Variants in FHOD1 observed in about 807,000 individuals in gnomAD.
The protein encoded by FHOD1 is formin homology 2 domain containing 1.
A neutral mutation model predicts 111.6 loss-of-function variants in FHOD1; 89 were observed. The ratio of observed to expected loss-of-function variants is 0.80; its 90% CI spans 0.67 to 0.95. FHOD1 has a LOEUF of 0.95. Ranked by LOEUF, FHOD1 falls within the 40% of genes least tolerant of loss-of-function variation. The pLI, the probability that FHOD1 is intolerant of heterozygous loss-of-function variation, is 0.00. For synonymous variants in FHOD1, 618 were observed against 639.0 expected, an observed-to-expected ratio of 0.97 and a Z score of 0.50; for missense variants, 1,446 against 1,554.2, an observed-to-expected ratio of 0.93 and a Z score of 1.17.
At chr16:67,246,216 G>C (rs2034821785) in intron 1 of FHOD1, among the ~76,000 whole-genome samples, 2 of 152,204 alleles carry the variant, frequency 1.3e-5, no homozygotes, top group African/African-American at 4.8e-5. Context: ...CAAGGGGCAA[G>C]TTTACGCAAC....
rs765913254 is a variant in FHOD1, at chr16:67,232,178, C to T, written c.2063G>A (p.Arg688His). Residue 688 changes from arginine to histidine, a missense_variant, in exon 14 of 22, where the codon CGC (arginine) becomes CAC (histidine). Transcript: ENST00000258201. The part of the protein sequence containing the change: ...VLPSKKAGEG[R>H]RTMTTVLDPK... ...GTCCAGCACTGTGGTCATTGTCCGGCGGCCCTCTCCAGCTTTCTGCATGGT... is the reference window on the plus strand; with the variant it reads ...GTCCAGCACTGTGGTCATTGTCCGGTGGCCCTCTCCAGCTTTCTGCATGGT... 6.5e-5 allele frequency: 105 copies of T among 1,614,020 alleles called. No individual in the cohort carries two copies. In the Admixed American group the frequency reaches 1.4e-3, roughly 22 times the overall value.
Position 67,236,567 on chromosome 16 carries a change from T to G in FHOD1, c.1309A>C (p.Ser437Arg). The change falls in exon 11 of 22, where the codon AGC (serine) becomes CGC (arginine). Residue 437 changes from serine to arginine, a missense_variant. This residue lies in a region of FHOD1 where 1,085 missense variants were observed against 1,108.8 expected (regional missense o/e 0.98). Transcript: ENST00000258201. ...APSADTSSER[S>R]IYKARFLENV... ...TGTCTCCCTACTTACTTGTAGATGC[T>G]CCTCTCGCTGGAGGTGTCAGCTGAG... is the stretch of plus-strand genomic sequence containing the variant. 6.2e-7 allele frequency: 1 copy of G among 1,612,950 alleles called. No individual in the cohort carries two copies. Among genetic ancestry groups the G allele is most frequent in the Non-Finnish European group, 8.5e-7 (1 of 1,179,630 alleles).
rs746174996 is a variant in FHOD1, at chr16:67,237,400, G to A, written c.850-18C>T. On this transcript the variant is annotated intron_variant, in intron 8 of 21. Transcript: ENST00000258201. This position sits in a 1 kb window ranked among gnomAD's most constrained non-coding sequence, Gnocchi z 5.6. ...GCCAGCGTCTGGAGGGCGGGGATAA[G>A]AAGGCAAGGCTGAGGTTGGTGGGGA... is the stretch of plus-strand genomic sequence containing the variant. 6 of 1,613,718 alleles carry A rather than the reference G, an allele frequency of 3.7e-6. No individual in the cohort carries two copies. Among genetic ancestry groups the A allele is most frequent in the Middle Eastern group, 1.6e-4 (1 of 6,062 alleles).
Position 67,230,524 on chromosome 16 carries a change from G to A in FHOD1, c.2859-18C>T, listed in dbSNP as rs780123195. 2.5e-6 allele frequency: 4 copies of A among 1,613,882 alleles called. No individual in the cohort carries two copies. In the Admixed American group the frequency reaches 5.0e-5, roughly 20 times the overall value. On this transcript the variant is annotated intron_variant, in intron 18 of 21. Coordinates refer to ENST00000258201, the MANE Select transcript of FHOD1 (RefSeq NM_013241.3). Reference sequence around the variant, plus strand: ...CATGGAACCTAGGCAGGTCAGAGTAGGGAGGGACAGTAAGTCCTGCTTATT... The same window carrying A: ...CATGGAACCTAGGCAGGTCAGAGTAAGGAGGGACAGTAAGTCCTGCTTATT...
At chr16:67,246,562 C>A (rs1267657075) in intron 1 of FHOD1, among the ~76,000 whole-genome samples, 1 of 151,798 alleles carries the variant, frequency 6.6e-6, no homozygotes, top group Non-Finnish European at 1.5e-5. Context: ...GGCCGATGGG[C>A]GGCGAGTGTC....
At position 67,239,780 on chromosome 16, in the gene FHOD1, C is replaced by G. The variant is rs1259253412; in HGVS notation, c.202-326G>C. On this transcript the variant is annotated intron_variant, in intron 1 of 21. Coordinates refer to ENST00000258201, the MANE Select transcript of FHOD1 (RefSeq NM_013241.3). ...TCCACACAGCATTCTAATATCCGAG[C>G]CACTGGTCTCCTCTAGCTGCGTTCT... Among the ~76,000 whole-genome samples, 3 of 152,222 alleles carry G rather than the reference C, an allele frequency of 2.0e-5. No homozygotes were observed. The South Asian group carries it at 6.2e-4, about 32-fold the overall frequency.
At position 67,230,660 on chromosome 16, in the gene FHOD1, C is replaced by T; in HGVS notation, c.2799G>A (p.Leu933=). 6.2e-7 allele frequency: 1 copy of T among 1,614,070 alleles called. No homozygotes were observed. Among genetic ancestry groups the T allele is most frequent in the South Asian group, 1.1e-5 (1 of 91,090 alleles). The stretch of plus-strand genomic sequence containing the variant: ...TGGCAACACGGCGGGCACACTGGTC[C>T]AGGAAGTGGGTGAGGCGGGCACGCA... ...PALRARLTHF[L]DQCARRVAML... is the part of the protein sequence containing the mutation. Residue 933 remains leucine, a synonymous_variant, in exon 18 of 22, where the codon CTG becomes CTA. Coordinates refer to ENST00000258201, the MANE Select transcript of FHOD1 (RefSeq NM_013241.3).
At chr16:67,242,769 C>A (rs2034702205) in intron 1 of FHOD1, among the ~76,000 whole-genome samples, 1 of 152,186 alleles carries the variant, frequency 6.6e-6, no homozygotes, top group Non-Finnish European at 1.5e-5. Context: ...ATACTCTTGA[C>A]TTTCCAGGCT....
rs1243474638 is a variant in FHOD1, at chr16:67,234,436, T to C, written c.1356A>G (p.Thr452=). The part of the protein sequence containing the change: ...RFLENVAAAE[T]EKQVALAQGR... Reference sequence around the variant, plus strand: ...CCTGGGCCAGCGCAACCTGCTTCTCTGTTTCTGCTGCCGCCACATTCTCCA... The same window carrying C: ...CCTGGGCCAGCGCAACCTGCTTCTCCGTTTCTGCTGCCGCCACATTCTCCA... The change falls in exon 12 of 22, where the codon ACA becomes ACG. Residue 452 remains threonine (T), a synonymous_variant. Coordinates refer to ENST00000258201, the MANE Select transcript of FHOD1 (RefSeq NM_013241.3). 5 of 1,606,424 alleles carry C rather than the reference T, an allele frequency of 3.1e-6. No homozygotes were observed. The highest frequency in any genetic ancestry group is 2.5e-6 in the Non-Finnish European group (3 of 1,178,268).
At position 67,237,239 on chromosome 16, in the gene FHOD1, C is replaced by T; in HGVS notation, c.993G>A (p.Glu331=). 1.9e-6 allele frequency: 3 copies of T among 1,613,040 alleles called. No individual in the cohort carries two copies. Among genetic ancestry groups the T allele is most frequent in the Non-Finnish European group, 2.5e-6 (3 of 1,179,372 alleles). The change falls in exon 9 of 22, where the codon GAG becomes GAA. Residue 331 remains glutamate, a splice_region_variant and synonymous_variant. Coordinates refer to ENST00000258201, the MANE Select transcript of FHOD1 (RefSeq NM_013241.3). This position sits in a 1 kb window ranked among gnomAD's most constrained non-coding sequence, Gnocchi z 5.6. ...CCTCAGAGCGTAAGGCCCGGCCCAC[C>T]TCGTAGAGCACAAGCTGCGTGCGCA... The part of the protein sequence containing the change: ...VDLRTQLVLY[E]NALKLEDGDI...
At position 67,229,558 on chromosome 16, in the gene FHOD1, C is replaced by T; in HGVS notation, c.*78G>A. On this transcript the variant is annotated 3_prime_UTR_variant, in exon 22 of 22. Coordinates refer to ENST00000258201, the MANE Select transcript of FHOD1 (RefSeq NM_013241.3). ...GGCACAGAGTTCTGGGGCCAGAATTCTGCTCTGGGCCCTCCTCACTCTGTC... is the reference window on the plus strand; with the variant it reads ...GGCACAGAGTTCTGGGGCCAGAATTTTGCTCTGGGCCCTCCTCACTCTGTC... The T allele has an allele frequency of 7.5e-7, 1 of 1,339,688 alleles. No homozygotes were observed. The allele number at this position is 1,339,688 out of a possible 1,614,324, so 83.0% of individuals were successfully genotyped here.
chr16:67,245,737 T>G (rs2034794846), intron 1 of FHOD1, among the ~76,000 whole-genome samples: 1 of 149,358 alleles, frequency 6.7e-6, no homozygotes, highest in Non-Finnish European at 1.5e-5. Flanking sequence ...AGAGCCAGAA[T>G]CCGTCTTAAA....
Position 67,230,301 on chromosome 16 carries a change from G to A in FHOD1, c.3051+13C>T. The A allele has an allele frequency of 6.2e-7, 1 of 1,614,052 alleles. No homozygotes were observed. Among genetic ancestry groups the A allele is most frequent in the Non-Finnish European group, 8.5e-7 (1 of 1,179,892 alleles). On this transcript the variant is annotated intron_variant, in intron 19 of 21. Transcript: ENST00000258201. ...AGGTGGCAGTCAAGACTAAGACCTGGAAGGGCACCCACCTCGGTGATCATG... is the reference window on the plus strand; with the variant it reads ...AGGTGGCAGTCAAGACTAAGACCTGAAAGGGCACCCACCTCGGTGATCATG...
Position 67,229,847 on chromosome 16 carries a change from G to T in FHOD1, c.3358C>A (p.Pro1120Thr), listed in dbSNP as rs1391333943. The change falls in exon 21 of 22, where the codon CCT (proline) becomes ACT (threonine). Residue 1120 changes from proline to threonine, a missense_variant. Pro to Thr is a conservative substitution (Grantham distance 38). Around this residue, in one of 3 missense-constraint regions of FHOD1, gnomAD observed 1,085 missense variants for 1,108.8 expected, o/e 0.98. Transcript: ENST00000258201. ...LLVQSVTKSS[P>T]RALAARERKR... ...CGTTCCCTAGCAGCTAAGGCACGAG[G>T]ACTGCTCTTGGTCACTGACTGCACC... 2 of 1,614,226 alleles carry T rather than the reference G, an allele frequency of 1.2e-6. No individual in the cohort carries two copies. The highest frequency in any genetic ancestry group is 1.7e-6 in the Non-Finnish European group (2 of 1,180,038).
chr16:67,235,161 T>C (rs1218274508), intron 11 of FHOD1, among the ~76,000 whole-genome samples: 6 of 152,198 alleles, frequency 3.9e-5, no homozygotes, highest in Non-Finnish European at 1.5e-5. Flanking sequence ...AGGGGATAGC[T>C]GTCCCAATGG....
In FHOD1 at chr16:67,243,586, C is replaced by T. The variant is rs554307750; in HGVS notation, c.201+3624G>A. ...GGGAAACCAAGAATCAGAAAATCAG[C>T]GCATTGCCCCAGGGTGCACAGCCAG... On this transcript the variant is annotated intron_variant, in intron 1 of 21. Transcript: ENST00000258201. Among the ~76,000 whole-genome samples the T allele has an allele frequency of 3.9e-5, 6 of 152,194 alleles. No individual in the cohort carries two copies. In the East Asian group the frequency reaches 9.6e-4, roughly 24 times the overall value.
chr16:67,233,568 A>G (rs1703454517), intron 13 of FHOD1, 89 bp downstream of exon 13: 6 of 1,463,904 alleles, frequency 4.1e-6, no homozygotes, highest in Non-Finnish European at 4.5e-6. Flanking sequence ...CCATGTGGGA[A>G]GTGAGTGACT....
chr16:67,233,169 C>G (rs932148382), intron 13 of FHOD1, among the ~76,000 whole-genome samples: 8 of 151,976 alleles, frequency 5.3e-5, no homozygotes, highest in African/African-American at 1.9e-4. Flanking sequence ...TCACTGCAAC[C>G]TCTACCTCCC....
At chr16:67,236,158 G>T in intron 11 of FHOD1, 1 of 576,754 alleles carries the variant, frequency 1.7e-6, no homozygotes, top group Non-Finnish European at 2.2e-6. Flanking sequence ...CAGTGATATT[G>T]GGGTTCCTTC....
Sources: allele counts gnomAD v4.1 joint callset (sites outside exome capture counted in the v4.1 genomes callset), GRCh38; gene constraint gnomAD v4.1.1; regional missense constraint gnomAD v4.1.1; non-coding constraint Gnocchi (gnomAD v3.1); transcripts MANE v1.5; gene names NCBI Gene and HGNC (gene_info 2026-07-23, HGNC 2026-07-21).